CA1: variants seen among roughly 807,000 people sequenced by gnomAD.
The protein encoded by CA1 is carbonic anhydrase 1.
Under a neutral mutation model 28.8 loss-of-function variants are expected in CA1, and 27 were observed. The observed-to-expected ratio is 0.94, with a 90% CI of 0.69 to 1.29. The LOEUF is 1.29. CA1 is among the 50% of genes most tolerant of loss of function. The pLI is 0.00. For missense variants in CA1, 335 were observed against 310.5 expected (o/e 1.08, Z -0.59); for synonymous variants, 121 against 108.8 (o/e 1.11, Z -0.70).
intron 1 of CA1, among the ~76,000 whole-genome samples, chr8:85,360,490 C>T (rs1809750270): frequency 6.6e-6 from 1 of 152,008 alleles, no homozygotes; most frequent in African/African-American, 2.4e-5. Context: ...TCAGGAATTC[C>T]AGACCAGCCC....
intron 1 of CA1, among the ~76,000 whole-genome samples, chr8:85,363,329 G>C (rs894166053): frequency 2.0e-5 from 3 of 152,142 alleles, no homozygotes; most frequent in African/African-American, 7.2e-5. Context: ...GGCTCCGCTT[G>C]CTAACCATTT....
intron 1 of CA1, among the ~76,000 whole-genome samples, chr8:85,348,189 C>T (rs781693903): frequency 6.6e-6 from 1 of 152,134 alleles, no homozygotes; most frequent in Non-Finnish European, 1.5e-5. Flanking sequence ...TTAGATTTCC[C>T]CCATAAGATT....
chr8:85,361,693 A>AAAAAT (rs893864128), intron 1 of CA1, among the ~76,000 whole-genome samples: 11 of 152,288 alleles, frequency 7.2e-5, no homozygotes, highest in South Asian at 2.1e-4. Flanking sequence ...GACTCTGTCA[A>AAAAAT]AAAATAAAAT....
Position 85,328,518 on chromosome 8 carries a change from G to C in CA1, c.*42C>G. 9.8e-7 allele frequency: 1 copy of C among 1,017,768 alleles called. No homozygotes were observed. The highest frequency in any genetic ancestry group is 1.3e-5 in the South Asian group (1 of 77,630). The allele number at this position is 1,017,768 out of a possible 1,614,324, so 63.0% of individuals were successfully genotyped here. On this transcript the variant is annotated 3_prime_UTR_variant, in exon 8 of 8. Transcript: ENST00000523022. ...ATTTTACTGGATTATGTCAGAAGCA[G>C]GGCTGTGTTCTTGAGGAAGGACAAG... is the stretch of plus-strand genomic sequence containing the variant.
rs1235091486 is a variant in CA1, at chr8:85,376,699, AAATAAAT to A, written c.-25+1340_-25+1346del. ...TAAATAAATAAATAAATAAATAAAT[AAATAAAT>A]AAAACTAGGTAAGGGTACACATGAT... On this transcript the variant is annotated intron_variant, in intron 1 of 7. Coordinates refer to ENST00000523022, the MANE Select transcript of CA1 (RefSeq NM_001128831.4). 5.6e-3 allele frequency among the ~76,000 whole-genome samples: 822 copies of A among 146,758 alleles called. 10 individuals are homozygous for A. Among genetic ancestry groups the A allele is most frequent in the African/African-American group, 0.02 (764 of 37,378 alleles).
chr8:85,336,590 T>C (rs1043039584), intron 4 of CA1, among the ~76,000 whole-genome samples: 8 of 152,136 alleles, frequency 5.3e-5, no homozygotes, highest in Admixed American at 1.3e-4. Context: ...TATCCAAACT[T>C]GAACGTTTAA....
intron 1 of CA1, among the ~76,000 whole-genome samples, chr8:85,351,467 T>C (rs1809409499): frequency 6.6e-6 from 1 of 152,242 alleles, no homozygotes; most frequent in Non-Finnish European, 1.5e-5. Context: ...AGATCTAATA[T>C]TGACAGCACT....
chr8:85,351,012 G>C (rs903217969), intron 1 of CA1, among the ~76,000 whole-genome samples: 2 of 152,182 alleles, frequency 1.3e-5, no homozygotes, highest in African/African-American at 2.4e-5. Flanking sequence ...GTCCCCTGCA[G>C]AGTTGGACAG....
At chr8:85,360,843 A>G (rs1027202609) in intron 1 of CA1, among the ~76,000 whole-genome samples, 1 of 152,190 alleles carries the variant, frequency 6.6e-6, no homozygotes, top group Non-Finnish European at 1.5e-5. Context: ...AAATCTATTT[A>G]TCAAATCAGC....
Position 85,341,606 on chromosome 8 carries a change from G to C in CA1, c.30C>G (p.Asp10Glu), listed in dbSNP as rs1300861025. The change falls in exon 2 of 8, where the codon GAC becomes GAG. Residue 10 changes from aspartate to glutamate, a missense_variant. By Grantham distance (45) the Asp-to-Glu change is conservative. Transcript: ENST00000523022. Reference sequence around the variant, plus strand: ...AAACAGGAGAACTCTTACCATTTTTGTCATCATATCCCCAGTCTGGACTTG... The same window carrying C: ...AAACAGGAGAACTCTTACCATTTTTCTCATCATATCCCCAGTCTGGACTTG... MASPDWGYD[D>E]KNGPEQWSKL... is the part of the protein sequence containing the mutation. The C allele has an allele frequency of 6.3e-7, 1 of 1,591,730 alleles. No individual in the cohort carries two copies. The highest frequency in any genetic ancestry group is 8.6e-7 in the Non-Finnish European group (1 of 1,159,980).
At chr8:85,344,181 T>A (rs1585932228) in intron 1 of CA1, among the ~76,000 whole-genome samples, 1 of 117,888 alleles carries the variant, frequency 8.5e-6, no homozygotes, top group Non-Finnish European at 1.6e-5. Flanking sequence ...CTGTATATAA[T>A]ATATAATTAT....
intron 1 of CA1, among the ~76,000 whole-genome samples, chr8:85,362,260 C>T (rs1027520358): frequency 6.6e-6 from 1 of 152,164 alleles, no homozygotes; most frequent in Non-Finnish European, 1.5e-5. Flanking sequence ...ATATCAGGCC[C>T]ATCTGGATGA....
chr8:85,343,515 T>G (rs1809010464), intron 1 of CA1, among the ~76,000 whole-genome samples: 1 of 152,194 alleles, frequency 6.6e-6, no homozygotes, highest in Non-Finnish European at 1.5e-5. Context: ...TTGGGCTTAC[T>G]TCACTCCGGA....
intron 1 of CA1, among the ~76,000 whole-genome samples, chr8:85,345,017 T>C (rs1427332886): frequency 1.3e-5 from 2 of 152,170 alleles, no homozygotes; most frequent in African/African-American, 2.4e-5. Flanking sequence ...AGTGGAGAAG[T>C]GGGTCATGGA....
intron 1 of CA1, among the ~76,000 whole-genome samples, chr8:85,377,328 A>T (rs987207321): frequency 3.3e-5 from 5 of 152,146 alleles, no homozygotes; most frequent in African/African-American, 1.2e-4. Context: ...AACTTGCAAG[A>T]TGTATAAAAG....
chr8:85,370,185 A>G (rs1250782050), intron 1 of CA1, among the ~76,000 whole-genome samples: 1 of 152,224 alleles, frequency 6.6e-6, no homozygotes. Flanking sequence ...TTATAAGCCC[A>G]TAAAGATTTA....
In CA1 at chr8:85,333,575, C is replaced by CCAGTG; in HGVS notation, c.399_400insCACTG (p.Glu134HisfsTer17). On this transcript the variant is annotated frameshift_variant, in exon 5 of 8. Coordinates refer to ENST00000523022, the MANE Select transcript of CA1 (RefSeq NM_001128831.4). LOFTEE classifies it high-confidence loss of function. ...AAACCATCAGCCTTTGAGGCAGCTT[C>CCAGTG]AGCAAGGCTGGAGTACTTTGCAGAA... The CCAGTG allele has an allele frequency of 1.2e-6, 2 of 1,612,988 alleles. No individual in the cohort carries two copies. The highest frequency in any genetic ancestry group is 2.2e-5 in the South Asian group (2 of 91,048).
At position 85,336,197 on chromosome 8, in the gene CA1, T is replaced by C. The variant is rs145679847; in HGVS notation, c.354+748A>G. Among the ~76,000 whole-genome samples the C allele has an allele frequency of 9.0e-4, 137 of 152,144 alleles. No homozygotes were observed. The East Asian group carries it at 0.026, about 29-fold the overall frequency. On this transcript the variant is annotated intron_variant, in intron 4 of 7. Transcript: ENST00000523022. ...AAAATTGTCATGATAAGTGGGTAAA[T>C]AGAAAAAAAGCAGGTTGCAAAATTA...
chr8:85,334,690 C>A (rs1808570446), intron 4 of CA1, among the ~76,000 whole-genome samples: 1 of 148,932 alleles, frequency 6.7e-6, no homozygotes, highest in South Asian at 2.2e-4. Context: ...CTATCAAATG[C>A]AAGTTCTGAT....
Sources: gnomAD v4.1 joint callset for allele counts (sites outside exome capture counted in the v4.1 genomes callset) on GRCh38, gnomAD v4.1.1 for gene constraint, MANE v1.5 for transcripts, NCBI Gene and HGNC (gene_info 2026-07-23, HGNC 2026-07-21) for gene names.